KCNJ6: variants seen among roughly 807,000 people sequenced by gnomAD.
KCNJ6 encodes the protein G protein-activated inward rectifier potassium channel 2.
In KCNJ6, 9 loss-of-function variants were observed where a neutral mutation model predicts 34.2. That is an observed-to-expected ratio of 0.26 (90% CI 0.16 to 0.46). KCNJ6 has a LOEUF of 0.46. Among genes scored for constraint, KCNJ6 ranks in the 20% least tolerant of loss-of-function variants. The probability of loss-of-function intolerance (pLI) is 1.00; values close to 1 mark genes in which losing one functional copy is unlikely to be tolerated. For synonymous variants in KCNJ6, 196 were observed against 207.1 expected (o/e 0.95, Z 0.46); for missense variants, 236 against 531.3 (o/e 0.44, Z 5.46).
chr21:37,614,456 CTGTG>C lies in KCNJ6; in HGVS notation c.*10699_*10702del, dbSNP rs143698033. The C allele has an allele frequency of 6.8e-6, 1 of 147,960 alleles. No individual in the cohort carries two copies. The highest frequency in any genetic ancestry group is 1.5e-5 in the Non-Finnish European group (1 of 67,126). 9.2% of individuals were successfully genotyped at this position (147,960 alleles called of 1,614,324 possible). A position where few individuals can be genotyped will look rare whatever the true frequency, so the allele number is the denominator to read the frequency against. The stretch of plus-strand genomic sequence containing the variant: ...TGTATCTCTGTGTGTATGCATGTGT[CTGTG>C]TCTGCGTGTGTGTGTATGCATGTGT... On this transcript the variant is annotated 3_prime_UTR_variant, in exon 4 of 4. Transcript: ENST00000609713.
At chr21:37,847,871 A>G (rs2123586892) in intron 1 of KCNJ6, among the ~76,000 whole-genome samples, 1 of 152,276 alleles carries the variant, frequency 6.6e-6, no homozygotes, top group East Asian at 1.9e-4. Context: ...GGTGTGCCTC[A>G]CGGAGGAAGC....
chr21:37,826,716 C>T (rs1445673872), intron 2 of KCNJ6, among the ~76,000 whole-genome samples: 1 of 152,058 alleles, frequency 6.6e-6, no homozygotes, highest in Non-Finnish European at 1.5e-5. Context: ...TTCTTTCTTC[C>T]TTGATGGCCT....
chr21:37,876,612 TTA>T (rs10589948), intron 1 of KCNJ6, among the ~76,000 whole-genome samples: 42,693 of 151,630 alleles, frequency 0.28, 7,463 homozygotes, highest in African/African-American at 0.51. Context: ...CAAAACAAAT[TTA>T]TGTTATATAT....
chr21:37,641,923 C>T (rs1319393997), intron 3 of KCNJ6, among the ~76,000 whole-genome samples: 1 of 152,128 alleles, frequency 6.6e-6, no homozygotes, highest in East Asian at 1.9e-4. Flanking sequence ...GTAGACAGAC[C>T]TCTGTAACGA....
At chr21:37,745,063 A>G (rs1159956431) in intron 2 of KCNJ6, among the ~76,000 whole-genome samples, 5 of 142,386 alleles carry the variant, frequency 3.5e-5, no homozygotes, top group Non-Finnish European at 7.6e-5. Flanking sequence ...ACTTAGCCCA[A>G]CGTTGCTGGT....
intron 3 of KCNJ6, among the ~76,000 whole-genome samples, chr21:37,708,757 C>T (rs1334599761): frequency 1.3e-5 from 2 of 151,998 alleles, no homozygotes; most frequent in African/African-American, 4.8e-5. Flanking sequence ...AATGGCTTGG[C>T]AATGGAGGGA....
intron 2 of KCNJ6, among the ~76,000 whole-genome samples, chr21:37,764,018 GT>G (rs202227762): frequency 0.022 from 3,420 of 152,286 alleles, 113 homozygotes; most frequent in African/African-American, 0.077. Context: ...CAAAGGCCAT[GT>G]TTGTCTAGGA....
intron 2 of KCNJ6, among the ~76,000 whole-genome samples, chr21:37,735,372 T>C (rs1256916496): frequency 6.6e-6 from 1 of 152,152 alleles, no homozygotes; most frequent in East Asian, 1.9e-4. Context: ...CCACTCCAGT[T>C]TTTCCCTATG....
chr21:37,693,349 AGGAGGGGCCCAG>A (rs2054648732), intron 3 of KCNJ6, among the ~76,000 whole-genome samples: 3 of 152,204 alleles, frequency 2.0e-5, no homozygotes. Context: ...CTCTGTCACA[AGGAGGGGCCCAG>A]GGATTGGCTG....
intron 2 of KCNJ6, among the ~76,000 whole-genome samples, chr21:37,748,089 C>G (rs377016058): frequency 1.3e-5 from 2 of 152,122 alleles, no homozygotes; most frequent in Non-Finnish European, 2.9e-5. Context: ...GACCAGAAAC[C>G]CCTCCACACG....
intron 1 of KCNJ6, among the ~76,000 whole-genome samples, chr21:37,856,839 T>C (rs1309856150): frequency 1.3e-5 from 2 of 152,024 alleles, no homozygotes; most frequent in Admixed American, 6.6e-5. Flanking sequence ...CCTGGGGAAG[T>C]TGTATGGTTT....
Position 37,775,975 on chromosome 21 carries a change from AC to A in KCNJ6, c.26-60845del, listed in dbSNP as rs1324884546. On this transcript the variant is annotated intron_variant, in intron 2 of 3. Transcript: ENST00000609713. ...CATTTTCACGATATTGATTTTTCCTACCCATGAGCATGGAATGTTCTTCCAT... is the reference window on the plus strand; with the variant it reads ...CATTTTCACGATATTGATTTTTCCTACCATGAGCATGGAATGTTCTTCCAT... Among the ~76,000 whole-genome samples, 3 of 151,982 alleles carry A rather than the reference AC, an allele frequency of 2.0e-5. No individual in the cohort carries two copies. The East Asian group carries it at 5.8e-4, about 29-fold the overall frequency.
In KCNJ6 at chr21:37,656,162, T is replaced by G. The variant is rs559630897; in HGVS notation, c.947-30678A>C. 5.8e-4 allele frequency among the ~76,000 whole-genome samples: 88 copies of G among 152,292 alleles called. 2 individuals are homozygous for G. Among genetic ancestry groups the G allele is most frequent in the African/African-American group, 1.9e-3 (79 of 41,560 alleles). On this transcript the variant is annotated intron_variant, in intron 3 of 3. Coordinates refer to ENST00000609713, the MANE Select transcript of KCNJ6 (RefSeq NM_002240.5). ...AATGATACACCCCTGCTCCACAGGC[T>G]GGCATCAGCTGGCCACACCCCTTCT...
At chr21:37,890,777 G>A (rs566510712) in intron 1 of KCNJ6, among the ~76,000 whole-genome samples, 7 of 152,160 alleles carry the variant, frequency 4.6e-5, no homozygotes, top group South Asian at 2.1e-4. Context: ...GCATCACATC[G>A]GTACAATTCA....
chr21:37,790,066 C>G (rs559069402), intron 2 of KCNJ6, among the ~76,000 whole-genome samples: 1 of 152,322 alleles, frequency 6.6e-6, no homozygotes, highest in East Asian at 1.9e-4. Context: ...AGTCTCAGCT[C>G]TGACCAGTCT....
At chr21:37,850,167 G>A (rs985782592) in intron 1 of KCNJ6, among the ~76,000 whole-genome samples, 10 of 152,140 alleles carry the variant, frequency 6.6e-5, no homozygotes, top group Non-Finnish European at 1.0e-4. Context: ...TTTGTATGAC[G>A]TTCTTTCTTT....
intron 3 of KCNJ6, among the ~76,000 whole-genome samples, chr21:37,640,343 TC>T (rs2054375489): frequency 2.0e-5 from 3 of 152,194 alleles, no homozygotes. Context: ...CTACTTCACC[TC>T]TCTCACTTCC....
At chr21:37,777,904 C>T (rs781703620) in intron 2 of KCNJ6, among the ~76,000 whole-genome samples, 2 of 152,214 alleles carry the variant, frequency 1.3e-5, no homozygotes, top group Non-Finnish European at 2.9e-5. Flanking sequence ...TCACTCTTGA[C>T]TGTGGTTCAG....
chr21:37,766,097 G>A (rs1243110982), intron 2 of KCNJ6, among the ~76,000 whole-genome samples: 7 of 152,164 alleles, frequency 4.6e-5, no homozygotes, highest in Admixed American at 4.6e-4. Flanking sequence ...GATTTTAAAT[G>A]TAACACCCTC....
Sources: allele counts gnomAD v4.1 joint callset (sites outside exome capture counted in the v4.1 genomes callset), GRCh38; gene constraint gnomAD v4.1.1; transcripts MANE v1.5; gene names NCBI Gene and HGNC (gene_info 2026-07-23, HGNC 2026-07-21).